The following CCDC138 variants were observed in gnomAD, a reference collection of about 807,000 sequenced individuals.
CCDC138 encodes coiled-coil domain containing 138.
In CCDC138, 66 loss-of-function variants were observed where a neutral mutation model predicts 82.3. The ratio of observed to expected loss-of-function variants is 0.80; its 90% confidence interval spans 0.66 to 0.98. The LOEUF is 0.98. Ranked by LOEUF, CCDC138 falls within the 50% of genes least tolerant of loss-of-function variation. The pLI is 0.00. For missense variants in CCDC138, 816 were observed against 758.9 expected (o/e 1.08, Z -0.88); for synonymous variants, 297 against 265.4 (o/e 1.12, Z -1.16).
At chr2:108,829,371 G>A (rs1456079618) in intron 10 of CCDC138, among the ~76,000 whole-genome samples, 1 of 152,130 alleles carries the variant, frequency 6.6e-6, no homozygotes, top group African/African-American at 2.4e-5. Flanking sequence ...TGGCCCCTAA[G>A]CTCATAAAAA....
chr2:108,794,818 C>T (rs1390997894), intron 5 of CCDC138, 97 bp downstream of exon 5: 35 of 970,184 alleles, frequency 3.6e-5, no homozygotes, highest in Non-Finnish European at 4.5e-5. Flanking sequence ...ATTTTAATTA[C>T]TTTAGATAAG....
chr2:108,878,369 G>A, downstream of CCDC138: 1 of 212,618 alleles, frequency 4.7e-6, no homozygotes. Context: ...AAGCAAAATT[G>A]TCTCATTCCC....
chr2:108,822,094 C>T (rs1310666394), intron 10 of CCDC138, among the ~76,000 whole-genome samples: 1 of 151,966 alleles, frequency 6.6e-6, no homozygotes, highest in Non-Finnish European at 1.5e-5. Flanking sequence ...CACGTATCAG[C>T]TGAAAATGAA....
At chr2:108,848,544 C>T (rs1401933297) in intron 12 of CCDC138, among the ~76,000 whole-genome samples, 1 of 152,102 alleles carries the variant, frequency 6.6e-6, no homozygotes, top group Non-Finnish European at 1.5e-5. Flanking sequence ...TTCTTCCTGC[C>T]TATGAAGACG....
chr2:108,855,041 TA>T (rs1692352611), intron 12 of CCDC138, among the ~76,000 whole-genome samples: 1 of 152,224 alleles, frequency 6.6e-6, no homozygotes, highest in Non-Finnish European at 1.5e-5. Flanking sequence ...AGGACATTGT[TA>T]AAAGACTGAA....
chr2:108,824,722 C>T (rs1686273956), intron 10 of CCDC138, among the ~76,000 whole-genome samples: 1 of 151,996 alleles, frequency 6.6e-6, no homozygotes, highest in Non-Finnish European at 1.5e-5. Context: ...CTGTACATAA[C>T]AAATGTATGT....
chr2:108,861,472 C>T (rs1693592978), intron 13 of CCDC138, among the ~76,000 whole-genome samples: 5 of 123,550 alleles, frequency 4.0e-5, no homozygotes, highest in African/African-American at 1.9e-4. Context: ...AACTTTCTTC[C>T]TTTTTTTTTT....
intron 10 of CCDC138, among the ~76,000 whole-genome samples, chr2:108,838,065 T>G (rs907172838): frequency 2.0e-5 from 3 of 152,052 alleles, no homozygotes; most frequent in Non-Finnish European, 2.9e-5. Context: ...ATTGGTTAGT[T>G]TGAATAATTT....
At chr2:108,787,541 GTAATCTA>G (rs1679089965) in intron 1 of CCDC138, among the ~76,000 whole-genome samples, 2 of 152,198 alleles carry the variant, frequency 1.3e-5, no homozygotes, top group East Asian at 3.9e-4. Context: ...ATAATATTTG[GTAATCTA>G]GAGTTCATAA....
chr2:108,812,892 A>G lies in CCDC138; in HGVS notation c.1006A>G (p.Lys336Glu). Residue 336 changes from lysine (K) to glutamate (E), a missense_variant, in exon 9 of 15, where the codon AAA becomes GAA. Physicochemically the swap from Lys to Glu is moderately conservative, Grantham distance 56 (BLOSUM62 1). Transcript: ENST00000295124. ...SHAVHEMKSL[K>E]QEKAPVSKTY... ...TGCTGTTCATGAAATGAAAAGTTTA[A>G]AACAAGAAAAAGCACCAGTTTCAAA... The G allele has an allele frequency of 6.2e-7, 1 of 1,613,822 alleles. No individual in the cohort carries two copies. Among genetic ancestry groups the G allele is most frequent in the Non-Finnish European group, 8.5e-7 (1 of 1,179,802 alleles).
At chr2:108,868,130 G>A (rs530736581) in intron 13 of CCDC138, among the ~76,000 whole-genome samples, 4 of 152,096 alleles carry the variant, frequency 2.6e-5, no homozygotes, top group Non-Finnish European at 4.4e-5. Flanking sequence ...ATGTATAACC[G>A]CTATAGGAAA....
chr2:108,845,764 G>A (rs1413755801), intron 11 of CCDC138, among the ~76,000 whole-genome samples: 1 of 151,898 alleles, frequency 6.6e-6, no homozygotes, highest in Admixed American at 6.6e-5. Context: ...GTAGAGATGG[G>A]GTTTCACCAT....
At chr2:108,832,800 C>T (rs1227597088) in intron 10 of CCDC138, among the ~76,000 whole-genome samples, 1 of 152,098 alleles carries the variant, frequency 6.6e-6, no homozygotes, top group Admixed American at 6.6e-5. Context: ...CTGCCTTAGT[C>T]GTGACGTGTA....
At chr2:108,875,940 A>G (rs1179069953) in intron 14 of CCDC138, 148 bp from the exon 15 acceptor site, 1 of 573,178 alleles carries the variant, frequency 1.7e-6, no homozygotes. Context: ...TTGTTTCAGC[A>G]TTCTAATCTT....
Position 108,835,317 on chromosome 2 carries a change from G to A in CCDC138, c.1207-3868G>A, listed in dbSNP as rs556709194. On this transcript the variant is annotated intron_variant, in intron 10 of 14. Transcript: ENST00000295124. The stretch of plus-strand genomic sequence containing the variant: ...CAAAACTGTTCAATGATTGAGTGCT[G>A]TTCTTATTCAGAAAATATTCATCTC... Among the ~76,000 whole-genome samples, 7 of 152,184 alleles carry A rather than the reference G, an allele frequency of 4.6e-5. No homozygotes were observed. In the East Asian group the frequency reaches 9.6e-4, roughly 21 times the overall value.
chr2:108,819,766 A>G (rs1685350398), intron 10 of CCDC138, among the ~76,000 whole-genome samples: 1 of 152,238 alleles, frequency 6.6e-6, no homozygotes, highest in Non-Finnish European at 1.5e-5. Flanking sequence ...CCAAATACCC[A>G]TTAAAAAAGG....
chr2:108,794,262 C>T (rs1680472094), intron 4 of CCDC138, among the ~76,000 whole-genome samples: 1 of 152,010 alleles, frequency 6.6e-6, no homozygotes, highest in African/African-American at 2.4e-5. Flanking sequence ...CATTTCTTGG[C>T]AATTAGTGTC....
chr2:108,870,189 C>G (rs1349103010), intron 13 of CCDC138, among the ~76,000 whole-genome samples: 1 of 152,092 alleles, frequency 6.6e-6, no homozygotes, highest in Non-Finnish European at 1.5e-5. Flanking sequence ...GAACCAAATT[C>G]TGGAACTGGA....
intron 10 of CCDC138, among the ~76,000 whole-genome samples, chr2:108,833,078 A>T (rs1434206907): frequency 6.6e-6 from 1 of 152,218 alleles, no homozygotes; most frequent in Non-Finnish European, 1.5e-5. Context: ...CAAAAACTGG[A>T]GTAAAGAGAT....
Sources: gnomAD v4.1 joint callset for allele counts (sites outside exome capture counted in the v4.1 genomes callset) on GRCh38, gnomAD v4.1.1 for gene constraint, MANE v1.5 for transcripts, NCBI Gene and HGNC (gene_info 2026-07-23, HGNC 2026-07-21) for gene names.